Variants in ANO4 observed in about 807,000 individuals in gnomAD.
The protein encoded by ANO4 is anoctamin-4.
In ANO4, 69 loss-of-function variants were observed where a neutral mutation model predicts 141.9. The ratio of observed to expected loss-of-function variants is 0.49; its 90% CI spans 0.40 to 0.59. The LOEUF (loss-of-function observed/expected upper bound fraction) is 0.59, where lower values mean the gene tolerates loss of function less well. Ranked by LOEUF, ANO4 falls within the 20% of genes least tolerant of loss-of-function variation. The probability of loss-of-function intolerance (pLI) is 0.00; values close to 1 mark genes in which losing one functional copy is unlikely to be tolerated. For missense variants in ANO4, 894 were observed against 1,162.2 expected, an observed-to-expected ratio of 0.77 and a Z score of 3.36; for synonymous variants, 350 against 394.3, an observed-to-expected ratio of 0.89 and a Z score of 1.33.
At chr12:101,046,468 T>A (rs1459874781) in intron 13 of ANO4, among the ~76,000 whole-genome samples, 1 of 152,198 alleles carries the variant, frequency 6.6e-6, no homozygotes, top group Admixed American at 6.5e-5. Context: ...TCACTCTACC[T>A]GGTATCTACA....
chr12:100,821,108 G>T (rs2036027898), intron 1 of ANO4, among the ~76,000 whole-genome samples: 1 of 152,046 alleles, frequency 6.6e-6, no homozygotes, highest in African/African-American at 2.4e-5. Flanking sequence ...GAATTCACCT[G>T]TTGATGCCCT....
chr12:100,967,583 ACACAC>A (rs1370739814), intron 5 of ANO4, among the ~76,000 whole-genome samples: 105 of 140,338 alleles, frequency 7.5e-4, no homozygotes, highest in African/African-American at 3.2e-3. Flanking sequence ...ACACACACAC[ACACAC>A]ACACACACAC....
chr12:100,787,188 C>A (rs1374902625), intron 3 of ANO4, among the ~76,000 whole-genome samples: 1 of 151,914 alleles, frequency 6.6e-6, no homozygotes, highest in Admixed American at 6.6e-5. Flanking sequence ...GGTGCCAAAA[C>A]TTGGAGATGG....
chr12:100,760,631 T>C (rs2135524394), intron 3 of ANO4, among the ~76,000 whole-genome samples: 1 of 152,306 alleles, frequency 6.6e-6, no homozygotes, highest in Non-Finnish European at 1.5e-5. Flanking sequence ...TGGAGTCTCA[T>C]TTCAGGCCCT....
intron 14 of ANO4, among the ~76,000 whole-genome samples, chr12:101,071,156 T>C (rs2048793121): frequency 6.6e-6 from 1 of 152,062 alleles, no homozygotes; most frequent in Admixed American, 6.6e-5. Flanking sequence ...TCCAGCAATC[T>C]CATTATCAGG....
At chr12:100,778,057 C>CTA (rs372309121) in intron 3 of ANO4, among the ~76,000 whole-genome samples, 193 of 151,752 alleles carry the variant, frequency 1.3e-3, no homozygotes, top group African/African-American at 4.4e-3. Flanking sequence ...GTAGCTGGGA[C>CTA]TACAGGCACC....
At chr12:101,051,174 G>A (rs2047852635) in intron 14 of ANO4, among the ~76,000 whole-genome samples, 2 of 152,160 alleles carry the variant, frequency 1.3e-5, no homozygotes, top group African/African-American at 4.8e-5. Context: ...TGTGTTTTAT[G>A]TTATAGATGA....
At chr12:101,095,144 A>C (rs574603777) in intron 18 of ANO4, among the ~76,000 whole-genome samples, 1 of 150,874 alleles carries the variant, frequency 6.6e-6, no homozygotes, top group South Asian at 2.1e-4. Flanking sequence ...AAAAACTCAC[A>C]AAAGTGTTCC....
intron 8 of ANO4, among the ~76,000 whole-genome samples, chr12:101,015,928 A>G (rs183557714): frequency 7.2e-4 from 110 of 152,280 alleles, no homozygotes; most frequent in African/African-American, 2.6e-3. Context: ...GAACCATGAT[A>G]TGGGGAATCA....
rs987375965 is a variant in ANO4, at chr12:100,858,737, C to T, written c.-140-42909C>T. 5.3e-5 allele frequency among the ~76,000 whole-genome samples: 8 copies of T among 152,194 alleles called. No homozygotes were observed. The South Asian group carries it at 1.7e-3, about 32-fold the overall frequency. The stretch of plus-strand genomic sequence containing the variant: ...AAGTGGCATAGTAGGATTTGGGGTC[C>T]ATTTTCCCTCAGCTTCCTATTTCTT... On this transcript the variant is annotated intron_variant, in intron 1 of 27. Coordinates refer to ENST00000392977, the MANE Select transcript of ANO4 (RefSeq NM_001286615.2).
At chr12:100,739,986 G>A (rs1397730320) in exon 3 of ANO4, 2 of 702,398 alleles carry the variant, frequency 2.8e-6, no homozygotes, top group East Asian at 2.7e-5. Context: ...GTGTACCACC[G>A]ATCCTTCACC....
chr12:100,965,422 T>C (rs2043609724), intron 5 of ANO4, among the ~76,000 whole-genome samples: 1 of 152,136 alleles, frequency 6.6e-6, no homozygotes, highest in African/African-American at 2.4e-5. Context: ...CTCCTATGCT[T>C]CCTGTGGACC....
intron 1 of ANO4, among the ~76,000 whole-genome samples, chr12:100,837,763 G>T (rs2037012915): frequency 6.6e-6 from 1 of 150,456 alleles, no homozygotes; most frequent in Non-Finnish European, 1.5e-5. Flanking sequence ...CAAAGTCAGG[G>T]CAATAAAGGT....
At chr12:100,784,929 T>C (rs1257369118) in intron 3 of ANO4, among the ~76,000 whole-genome samples, 1 of 21,244 alleles carries the variant, frequency 4.7e-5, no homozygotes, top group Non-Finnish European at 9.8e-5. Context: ...CCTCTCACTA[T>C]TTTTTTTTTC....
In ANO4 at chr12:100,814,664, C is replaced by T. The variant is rs201900822; in HGVS notation, c.-141+19637C>T. 3.3e-5 allele frequency among the ~76,000 whole-genome samples: 5 copies of T among 152,162 alleles called. No homozygotes were observed. The East Asian group carries it at 9.7e-4, about 29-fold the overall frequency. ...GGCCAAGAATACTAGATTAGGTTCC[C>T]CCATATCAGTTACCTATTTAGAACA... On this transcript the variant is annotated intron_variant, in intron 1 of 27. Coordinates refer to ENST00000392977, the MANE Select transcript of ANO4 (RefSeq NM_001286615.2).
chr12:100,886,277 G>C (rs1202188545), intron 1 of ANO4, among the ~76,000 whole-genome samples: 1 of 148,182 alleles, frequency 6.7e-6, no homozygotes, highest in African/African-American at 2.5e-5. Flanking sequence ...ATTCCCCGCT[G>C]TCTTAGCATG....
At chr12:101,111,505 T>C (rs1047366676) in intron 23 of ANO4, 58 bp from the exon 24 acceptor site, 65 of 1,414,612 alleles carry the variant, frequency 4.6e-5, no homozygotes, top group Non-Finnish European at 5.5e-5. Context: ...TTCCATTTTT[T>C]CATAATTATC....
At chr12:100,735,210 T>C (rs1206981981) in intron 2 of ANO4, among the ~76,000 whole-genome samples, 1 of 152,190 alleles carries the variant, frequency 6.6e-6, no homozygotes, top group Non-Finnish European at 1.5e-5. Flanking sequence ...ATTGTACCAA[T>C]TGGTGCCAAA....
intron 26 of ANO4, among the ~76,000 whole-genome samples, chr12:101,122,064 C>T (rs978491343): frequency 6.6e-5 from 10 of 152,052 alleles, no homozygotes; most frequent in Middle Eastern, 3.2e-3. Context: ...GCCTGACTTT[C>T]TAATAAAAGC....
Sources: allele counts gnomAD v4.1 joint callset (sites outside exome capture counted in the v4.1 genomes callset), GRCh38; gene constraint gnomAD v4.1.1; transcripts MANE v1.5; gene names NCBI Gene and HGNC (gene_info 2026-07-23, HGNC 2026-07-21).